The following DSCAM variants were observed in gnomAD, a reference collection of about 807,000 sequenced individuals.
The protein encoded by DSCAM is cell adhesion molecule DSCAM.
In DSCAM, 47 loss-of-function variants were observed where a neutral mutation model predicts 217.7. The observed-to-expected ratio is 0.22, with a 90% CI of 0.17 to 0.28. The LOEUF (loss-of-function observed/expected upper bound fraction) is 0.28. Ranked by LOEUF, DSCAM falls within the 10% of genes least tolerant of loss-of-function variation. DSCAM has a pLI of 1.00. For missense variants in DSCAM, 2,080 were observed against 2,618.3 expected (o/e 0.79, Z 4.49); for synonymous variants, 1,056 against 1,015.3 (o/e 1.04, Z -0.76).
chr21:40,316,037 G>A (rs977163145), intron 8 of DSCAM, among the ~76,000 whole-genome samples: 9 of 152,052 alleles, frequency 5.9e-5, no homozygotes, highest in Non-Finnish European at 1.0e-4. Flanking sequence ...ATACAAAATC[G>A]TAATACTTAA....
At chr21:40,569,023 CT>C (rs2076786177) in intron 3 of DSCAM, among the ~76,000 whole-genome samples, 1 of 152,184 alleles carries the variant, frequency 6.6e-6, no homozygotes, top group Admixed American at 6.5e-5. Flanking sequence ...GTTTATCCCC[CT>C]GCCTAGTAGC....
chr21:40,566,389 G>T (rs367642341), intron 3 of DSCAM, among the ~76,000 whole-genome samples: 19 of 152,186 alleles, frequency 1.2e-4, no homozygotes, highest in Non-Finnish European at 2.4e-4. Flanking sequence ...GATCTACTCT[G>T]CCAGACATTG....
At chr21:40,043,714 G>A (rs947901902) in intron 31 of DSCAM, among the ~76,000 whole-genome samples, 1 of 152,180 alleles carries the variant, frequency 6.6e-6, no homozygotes, top group Admixed American at 6.5e-5. Context: ...CTTGGAGATG[G>A]TAATGGGTCA....
intron 1 of DSCAM, among the ~76,000 whole-genome samples, chr21:40,810,126 T>C (rs2091825195): frequency 6.6e-6 from 1 of 152,226 alleles, no homozygotes; most frequent in African/African-American, 2.4e-5. Flanking sequence ...AGAAGAGGGC[T>C]GGAGCTGCTT....
intron 3 of DSCAM, among the ~76,000 whole-genome samples, chr21:40,690,766 T>C (rs2090529932): frequency 6.6e-6 from 1 of 152,174 alleles, no homozygotes; most frequent in Non-Finnish European, 1.5e-5. Flanking sequence ...ACAATGAGGA[T>C]GCTGCTAATT....
At chr21:40,607,609 G>T (rs187266864) in intron 3 of DSCAM, among the ~76,000 whole-genome samples, 1 of 152,038 alleles carries the variant, frequency 6.6e-6, no homozygotes, top group Non-Finnish European at 1.5e-5. Flanking sequence ...AAACATGGGC[G>T]GGTGGGGGTT....
chr21:40,596,384 G>A (rs911499174), intron 3 of DSCAM, among the ~76,000 whole-genome samples: 1 of 152,108 alleles, frequency 6.6e-6, no homozygotes, highest in African/African-American at 2.4e-5. Flanking sequence ...ATTCATTGAC[G>A]GGTGGGAGTT....
chr21:40,555,061 T>A (rs2076660430), intron 3 of DSCAM, among the ~76,000 whole-genome samples: 1 of 152,218 alleles, frequency 6.6e-6, no homozygotes, highest in Non-Finnish European at 1.5e-5. Context: ...ATGATGCATA[T>A]TTTATATTTC....
At chr21:40,279,264 A>G (rs1197113502) in intron 10 of DSCAM, among the ~76,000 whole-genome samples, 1 of 152,248 alleles carries the variant, frequency 6.6e-6, no homozygotes, top group Non-Finnish European at 1.5e-5. Flanking sequence ...CTTGGAAATA[A>G]GTTATCAAAA....
chr21:40,304,281 T>C (rs2074047706), intron 9 of DSCAM, among the ~76,000 whole-genome samples: 1 of 152,232 alleles, frequency 6.6e-6, no homozygotes, highest in Non-Finnish European at 1.5e-5. Context: ...TGACCCCAGG[T>C]CAAACTTTTC....
intron 3 of DSCAM, among the ~76,000 whole-genome samples, chr21:40,616,825 G>T (rs1167427501): frequency 6.6e-6 from 1 of 151,856 alleles, no homozygotes; most frequent in East Asian, 2.0e-4. Flanking sequence ...AGACAATCCC[G>T]GCTAAAACGG....
intron 3 of DSCAM, among the ~76,000 whole-genome samples, chr21:40,666,635 G>T (rs1272846919): frequency 6.6e-6 from 1 of 152,208 alleles, no homozygotes; most frequent in East Asian, 1.9e-4. Context: ...AGCCCCCGGT[G>T]GTTGTTTTCC....
At chr21:40,221,479 AT>A (rs2091288809) in intron 11 of DSCAM, among the ~76,000 whole-genome samples, 2 of 148,774 alleles carry the variant, frequency 1.3e-5, no homozygotes, top group African/African-American at 4.9e-5. Flanking sequence ...ATAATATAAA[AT>A]AATACATATT....
intron 12 of DSCAM, among the ~76,000 whole-genome samples, chr21:40,188,790 T>TTA (rs2090923238): frequency 6.6e-6 from 1 of 151,800 alleles, no homozygotes; most frequent in African/African-American, 2.4e-5. Context: ...TCTCACTTTT[T>TTA]TTTTTTTTTT....
At chr21:40,175,055 C>A (rs907865159) in intron 15 of DSCAM, among the ~76,000 whole-genome samples, 4 of 152,174 alleles carry the variant, frequency 2.6e-5, no homozygotes, top group African/African-American at 7.2e-5. Flanking sequence ...TCTTTTGGGG[C>A]TGCTATAACA....
rs2090765733 is a variant in DSCAM, at chr21:40,178,991, G to A, written c.2883C>T (p.Tyr961=). The change falls in exon 15 of 33, where the codon TAC becomes TAT. Residue 961 remains tyrosine (Y), a synonymous_variant. Transcript: ENST00000400454. Reference sequence around the variant, plus strand: ...CGCTCTTGCCAATCCGGTTCTTGGCGTACATGCGGATGCTGTAGGTGGAGG... The same window carrying A: ...CGCTCTTGCCAATCCGGTTCTTGGCATACATGCGGATGCTGTAGGTGGAGG... ...HPSSTYSIRM[Y]AKNRIGKSEP... The A allele has an allele frequency of 3.1e-6, 5 of 1,614,066 alleles. No individual in the cohort carries two copies. The highest frequency in any genetic ancestry group is 2.2e-5 in the East Asian group (1 of 44,850).
chr21:40,555,888 C>T (rs1229628561), intron 3 of DSCAM, among the ~76,000 whole-genome samples: 1 of 152,050 alleles, frequency 6.6e-6, no homozygotes, highest in Non-Finnish European at 1.5e-5. Context: ...CCCCCTTCCT[C>T]GGCCTCCCAA....
chr21:40,695,359 G>A (rs1165208946), intron 2 of DSCAM, among the ~76,000 whole-genome samples: 2 of 152,030 alleles, frequency 1.3e-5, no homozygotes, highest in African/African-American at 4.8e-5. Context: ...AGTGTCCTAG[G>A]AAACCCCTCA....
At chr21:40,364,111 T>C (rs570542400) in intron 4 of DSCAM, among the ~76,000 whole-genome samples, 5 of 152,258 alleles carry the variant, frequency 3.3e-5, no homozygotes, top group Admixed American at 3.3e-4. Flanking sequence ...ATTGTGAAAG[T>C]CAGTGTGGCG....
Sources: gnomAD v4.1 joint callset for allele counts (sites outside exome capture counted in the v4.1 genomes callset) on GRCh38, gnomAD v4.1.1 for gene constraint, MANE v1.5 for transcripts, NCBI Gene and HGNC (gene_info 2026-07-23, HGNC 2026-07-21) for gene names.